The following CA10 variants were observed in gnomAD, a reference collection of about 807,000 sequenced individuals.
CA10 encodes carbonic anhydrase-related protein 10.
Under a neutral mutation model 44.2 loss-of-function variants are expected in CA10, and 14 were observed. The ratio of observed to expected loss-of-function variants is 0.32; its 90% CI spans 0.21 to 0.50. The LOEUF is 0.50. Among genes scored for constraint, CA10 ranks in the 20% least tolerant of loss-of-function variants. The probability of loss-of-function intolerance (pLI) is 0.99; values close to 1 mark genes in which losing one functional copy is unlikely to be tolerated. For synonymous variants in CA10, 159 were observed against 141.6 expected (o/e 1.12, Z -0.87); for missense variants, 350 against 409.7 (o/e 0.85, Z 1.26).
At chr17:52,052,897 T>C (rs972143355) in intron 2 of CA10, among the ~76,000 whole-genome samples, 4 of 151,900 alleles carry the variant, frequency 2.6e-5, no homozygotes, top group African/African-American at 2.4e-5. Context: ...GGCCTTCCAG[T>C]AAAGCAATAC....
At chr17:51,872,301 C>G (rs1009190773) in intron 3 of CA10, among the ~76,000 whole-genome samples, 6 of 152,118 alleles carry the variant, frequency 3.9e-5, no homozygotes, top group African/African-American at 1.4e-4. Context: ...ACTCACCTAC[C>G]TGTGATAAGG....
chr17:52,024,443 T>C (rs1190766763), intron 2 of CA10, among the ~76,000 whole-genome samples: 1 of 151,280 alleles, frequency 6.6e-6, no homozygotes, highest in African/African-American at 2.4e-5. Flanking sequence ...ACTAGGGCAA[T>C]GTGACCTCAC....
chr17:51,985,286 G>A (rs185611696), intron 2 of CA10, among the ~76,000 whole-genome samples: 6 of 152,156 alleles, frequency 3.9e-5, no homozygotes, highest in Non-Finnish European at 7.4e-5. Context: ...CTTAATAGAT[G>A]CAGAAAAAGC....
chr17:51,694,153 G>A (rs911182185), intron 4 of CA10, among the ~76,000 whole-genome samples: 7 of 151,454 alleles, frequency 4.6e-5, no homozygotes, highest in Non-Finnish European at 1.0e-4. Context: ...GCAGTGAGCT[G>A]AGATCATGCC....
At chr17:51,916,911 G>A (rs904951666) in intron 3 of CA10, among the ~76,000 whole-genome samples, 28 of 152,238 alleles carry the variant, frequency 1.8e-4, no homozygotes, top group African/African-American at 6.0e-4. Flanking sequence ...AGTCCTTTCC[G>A]ATATGAATAT....
At chr17:51,736,757 AAAG>A (rs1268841762) in intron 4 of CA10, among the ~76,000 whole-genome samples, 2 of 152,184 alleles carry the variant, frequency 1.3e-5, no homozygotes, top group Non-Finnish European at 1.5e-5. Context: ...TGCTTGTTAT[AAAG>A]AAGAGAGAAA....
At chr17:51,919,220 T>C (rs907978791) in intron 3 of CA10, among the ~76,000 whole-genome samples, 2 of 152,236 alleles carry the variant, frequency 1.3e-5, no homozygotes, top group Non-Finnish European at 2.9e-5. Context: ...TAGGCAATAA[T>C]ATCCCTTTAA....
chr17:51,952,840 C>T (rs1489702373), intron 2 of CA10, among the ~76,000 whole-genome samples: 1 of 152,096 alleles, frequency 6.6e-6, no homozygotes, highest in Non-Finnish European at 1.5e-5. Context: ...CTGAGACTCA[C>T]ATGCATTTGT....
In CA10 at chr17:51,876,345, C is replaced by CTT. The variant is rs767472733; in HGVS notation, c.279+54643_279+54644dup. ...CCACACCCAGCTACTTTTTTTTCAT[C>CTT]TTTTTTTTTTTTTTTTTGGTAGAGA... On this transcript the variant is annotated intron_variant, in intron 3 of 8. Transcript: ENST00000451037. 1.0e-2 allele frequency among the ~76,000 whole-genome samples: 1,233 copies of CTT among 123,652 alleles called. 24 individuals carry two copies. Among genetic ancestry groups the CTT allele is most frequent in the African/African-American group, 0.033 (1,080 of 32,762 alleles). The allele number at this position is 123,652 out of a possible 152,430, so 81.1% of individuals were successfully genotyped here.
At chr17:51,960,890 T>C (rs531091220) in intron 2 of CA10, among the ~76,000 whole-genome samples, 79 of 152,314 alleles carry the variant, frequency 5.2e-4, no homozygotes, top group Non-Finnish European at 9.8e-4. Flanking sequence ...GTAGTCCTTG[T>C]TATTTAATCA....
intron 3 of CA10, among the ~76,000 whole-genome samples, chr17:51,845,777 G>C (rs752260064): frequency 6.6e-6 from 1 of 152,148 alleles, no homozygotes; most frequent in Non-Finnish European, 1.5e-5. Context: ...CTGTCATATA[G>C]GCCCATCATC....
chr17:51,808,582 TAGAA>T (rs1202477848), intron 3 of CA10, among the ~76,000 whole-genome samples: 3 of 152,288 alleles, frequency 2.0e-5, no homozygotes, highest in African/African-American at 7.2e-5. Flanking sequence ...TAGAAGCTAA[TAGAA>T]AGCAAATAAA....
At chr17:52,062,524 C>CA (rs1567720369) in intron 2 of CA10, among the ~76,000 whole-genome samples, 1 of 152,188 alleles carries the variant, frequency 6.6e-6, no homozygotes, top group East Asian at 1.9e-4. Flanking sequence ...CATAGGCCCA[C>CA]AGGCCTGGGA....
chr17:51,867,035 G>A (rs915270363), intron 3 of CA10, among the ~76,000 whole-genome samples: 1 of 151,922 alleles, frequency 6.6e-6, no homozygotes, highest in Non-Finnish European at 1.5e-5. Flanking sequence ...ATTTCTGTTT[G>A]ATTGGCAATG....
intron 7 of CA10, among the ~76,000 whole-genome samples, 163 bp from the exon 8 acceptor site, chr17:51,633,813 T>C (rs1912704957): frequency 6.6e-6 from 1 of 152,172 alleles, no homozygotes; most frequent in African/African-American, 2.4e-5. Flanking sequence ...TCAGTTGAGC[T>C]GAAGGCCCAT....
At chr17:52,027,809 C>T (rs1986348306) in intron 2 of CA10, among the ~76,000 whole-genome samples, 2 of 152,230 alleles carry the variant, frequency 1.3e-5, no homozygotes, top group South Asian at 4.1e-4. Flanking sequence ...AGCTGTGAGT[C>T]ACAGTTGAGT....
At chr17:51,691,397 C>T (rs1487004595) in intron 4 of CA10, among the ~76,000 whole-genome samples, 3 of 152,222 alleles carry the variant, frequency 2.0e-5, no homozygotes, top group East Asian at 1.9e-4. Flanking sequence ...TGTTCCAATC[C>T]TTTGCCCATT....
intron 3 of CA10, among the ~76,000 whole-genome samples, chr17:51,885,666 C>T (rs1980565777): frequency 6.6e-6 from 1 of 152,194 alleles, no homozygotes; most frequent in Non-Finnish European, 1.5e-5. Context: ...CACATGAGTG[C>T]ATTGGTGTAG....
intron 2 of CA10, among the ~76,000 whole-genome samples, chr17:52,061,479 G>A (rs1987383316): frequency 6.6e-6 from 1 of 151,910 alleles, no homozygotes; most frequent in Admixed American, 6.6e-5. Flanking sequence ...CTAACTTTAG[G>A]GTAATTTGTT....
Sources: gnomAD v4.1 joint callset for allele counts (sites outside exome capture counted in the v4.1 genomes callset) on GRCh38, gnomAD v4.1.1 for gene constraint, MANE v1.5 for transcripts, NCBI Gene and HGNC (gene_info 2026-07-23, HGNC 2026-07-21) for gene names.